Variants in FOXJ3 observed in about 807,000 individuals in gnomAD.
FOXJ3 encodes forkhead box protein J3.
Under a neutral mutation model 76.1 loss-of-function variants are expected in FOXJ3, and 22 were observed. That is an observed-to-expected ratio of 0.29 (90% CI 0.21 to 0.41). The LOEUF (loss-of-function observed/expected upper bound fraction) is 0.41, where lower values mean the gene tolerates loss of function less well. Among genes scored for constraint, FOXJ3 ranks in the 10% least tolerant of loss-of-function variants. The pLI is 1.00. For synonymous variants in FOXJ3, 269 were observed against 261.2 expected (o/e 1.03, Z -0.29); for missense variants, 613 against 762.1 (o/e 0.80, Z 2.30).
chr1:42,259,876 C>T (rs1193586331), intron 4 of FOXJ3, among the ~76,000 whole-genome samples: 2 of 152,118 alleles, frequency 1.3e-5, no homozygotes, highest in African/African-American at 4.8e-5. Context: ...TCTTATCTAC[C>T]ATGAGTTAAA....
intron 4 of FOXJ3, among the ~76,000 whole-genome samples, chr1:42,256,352 T>C (rs1319067968): frequency 6.6e-6 from 1 of 152,224 alleles, no homozygotes; most frequent in Non-Finnish European, 1.5e-5. Context: ...GTATCCAGAA[T>C]ATATTTTTTA....
intron 2 of FOXJ3, among the ~76,000 whole-genome samples, chr1:42,297,232 T>C (rs1297668123): frequency 6.6e-6 from 1 of 152,222 alleles, no homozygotes; most frequent in African/African-American, 2.4e-5. Context: ...TCAGGAAACT[T>C]CCTCTTTTCC....
At chr1:42,288,853 C>T (rs2124699323) in intron 2 of FOXJ3, among the ~76,000 whole-genome samples, 1 of 152,178 alleles carries the variant, frequency 6.6e-6, no homozygotes, top group South Asian at 2.1e-4. Flanking sequence ...TAATGTAATG[C>T]CAATTTTCTC....
chr1:42,323,673 C>G (rs746011555), intron 1 of FOXJ3: 1 of 981,316 alleles, frequency 1.0e-6, no homozygotes, highest in Non-Finnish European at 1.2e-6. Context: ...GAGACTATGC[C>G]TCTTAATTAC....
chr1:42,272,122 T>C (rs1490908133), intron 3 of FOXJ3, among the ~76,000 whole-genome samples: 2 of 152,250 alleles, frequency 1.3e-5, no homozygotes, highest in East Asian at 3.8e-4. Context: ...GGCAACATAA[T>C]GTCCTCTGTG....
intron 4 of FOXJ3, among the ~76,000 whole-genome samples, chr1:42,237,893 T>C (rs924373326): frequency 6.9e-6 from 1 of 145,620 alleles, no homozygotes; most frequent in Non-Finnish European, 1.5e-5. Context: ...CTGAATTACA[T>C]TGGTACCTCT....
Position 42,301,189 on chromosome 1 carries a change from G to T in FOXJ3, c.44+9861C>A, listed in dbSNP as rs551031478. ...TTTATACAATCCCATATTTCTCCAA[G>T]ACTTTTTCACTTTTTTTTTCTTTTG... On this transcript the variant is annotated intron_variant, in intron 2 of 12. Coordinates refer to ENST00000361346, the MANE Select transcript of FOXJ3 (RefSeq NM_014947.5). Among the ~76,000 whole-genome samples, 5 of 151,858 alleles carry T rather than the reference G, an allele frequency of 3.3e-5. No homozygotes were observed. The South Asian group carries it at 1.0e-3, about 32-fold the overall frequency.
chr1:42,260,855 T>G (rs1029481245), intron 4 of FOXJ3, among the ~76,000 whole-genome samples: 7 of 152,200 alleles, frequency 4.6e-5, no homozygotes, highest in Admixed American at 4.6e-4. Context: ...AACTCTTCTA[T>G]GAATTAACTG....
intron 8 of FOXJ3, among the ~76,000 whole-genome samples, chr1:42,194,059 A>C (rs769892203): frequency 7.2e-5 from 11 of 152,198 alleles, no homozygotes; most frequent in Non-Finnish European, 1.0e-4. Context: ...CCAACCTCCC[A>C]AACTGTGAGA....
At chr1:42,190,757 G>A (rs1646524600) in intron 9 of FOXJ3, among the ~76,000 whole-genome samples, 1 of 152,182 alleles carries the variant, frequency 6.6e-6, no homozygotes, top group African/African-American at 2.4e-5. Context: ...GTGGGTAAGA[G>A]GAAGAGGAGG....
chr1:42,323,649 C>A (rs1404422173), intron 1 of FOXJ3: 3 of 950,640 alleles, frequency 3.2e-6, no homozygotes, highest in Non-Finnish European at 3.8e-6. Context: ...GTATCTGTAC[C>A]CATTTCTTGC....
Position 42,330,582 on chromosome 1 carries a change from G to A in FOXJ3, c.-18+4477C>T, listed in dbSNP as rs555396012. ...GGGCCCAGGAGGTTGAGGTTGCAAT[G>A]AGCCATGATCGTGCCACTGCACTCC... On this transcript the variant is annotated intron_variant, in intron 1 of 12. Transcript: ENST00000361346. 3.3e-5 allele frequency among the ~76,000 whole-genome samples: 5 copies of A among 152,062 alleles called. No homozygotes were observed. The South Asian group carries it at 1.0e-3, about 32-fold the overall frequency.
intron 6 of FOXJ3, among the ~76,000 whole-genome samples, chr1:42,204,407 GCTC>G (rs982816742): frequency 1.3e-5 from 2 of 151,940 alleles, no homozygotes; most frequent in African/African-American, 2.4e-5. Flanking sequence ...AAAATCTTCA[GCTC>G]CTTTGACATC....
At chr1:42,323,095 C>G (rs1655529132) in intron 1 of FOXJ3, among the ~76,000 whole-genome samples, 1 of 152,112 alleles carries the variant, frequency 6.6e-6, no homozygotes, top group Non-Finnish European at 1.5e-5. Context: ...TGTATAATGA[C>G]TGAAGAAACT....
rs1646251014 is a variant in FOXJ3, at chr1:42,178,213, A to T, written c.*1497T>A. On this transcript the variant is annotated 3_prime_UTR_variant, in exon 13 of 13. Coordinates refer to ENST00000361346, the MANE Select transcript of FOXJ3 (RefSeq NM_014947.5). ...GACAACAGAAACAGCAGGCCACATAATATCTACATTAAACACTGAAGCAAA... is the reference window on the plus strand; with the variant it reads ...GACAACAGAAACAGCAGGCCACATATTATCTACATTAAACACTGAAGCAAA... The T allele has an allele frequency of 6.6e-6, 1 of 152,262 alleles. No individual in the cohort carries two copies. Among genetic ancestry groups the T allele is most frequent in the South Asian group, 2.1e-4 (1 of 4,836 alleles). 9.4% of individuals were successfully genotyped at this position (152,262 alleles called of 1,614,324 possible).
intron 1 of FOXJ3, among the ~76,000 whole-genome samples, chr1:42,334,583 G>A (rs1047320789): frequency 1.2e-4 from 18 of 152,200 alleles, no homozygotes; most frequent in Admixed American, 1.0e-3. Context: ...TCCCCAAAGG[G>A]CCACTCCAAG....
chr1:42,209,363 C>A (rs895316394), intron 5 of FOXJ3, among the ~76,000 whole-genome samples: 4 of 152,168 alleles, frequency 2.6e-5, no homozygotes, highest in African/African-American at 9.7e-5. Context: ...AAAATAAAAT[C>A]ATGTGTAGAG....
chr1:42,197,560 C>T (rs1265536822), intron 7 of FOXJ3, among the ~76,000 whole-genome samples: 1 of 151,908 alleles, frequency 6.6e-6, no homozygotes, highest in African/African-American at 2.4e-5. Context: ...GTCCCTTATA[C>T]AAAATGCTGT....
intron 5 of FOXJ3, among the ~76,000 whole-genome samples, chr1:42,223,264 T>G (rs969048802): frequency 2.0e-5 from 3 of 152,196 alleles, no homozygotes; most frequent in African/African-American, 7.2e-5. Context: ...CAACACCATC[T>G]GTATCTACTC....
Sources: allele counts gnomAD v4.1 joint callset (sites outside exome capture counted in the v4.1 genomes callset), GRCh38; gene constraint gnomAD v4.1.1; transcripts MANE v1.5; gene names NCBI Gene and HGNC (gene_info 2026-07-23, HGNC 2026-07-21).